NFX1: variants seen among roughly 807,000 people sequenced by gnomAD.
NFX1 encodes the protein nuclear transcription factor, X-box binding 1.
A neutral mutation model predicts 137.2 loss-of-function variants in NFX1; 69 were observed. That is an observed-to-expected ratio of 0.50 (90% CI 0.41 to 0.61). NFX1 has a LOEUF of 0.61. NFX1 is among the 20% of genes least tolerant of loss of function. The probability of loss-of-function intolerance (pLI) is 0.00; values close to 1 mark genes in which losing one functional copy is unlikely to be tolerated. For missense variants in NFX1, 1,167 were observed against 1,391.0 expected (o/e 0.84, Z 2.56); for synonymous variants, 495 against 474.1 (o/e 1.04, Z -0.57).
Position 33,307,291 on chromosome 9 carries a change from C to G in NFX1, c.1368C>G (p.Ser456=). 6.2e-7 allele frequency: 1 copy of G among 1,613,400 alleles called. No homozygotes were observed. The highest frequency in any genetic ancestry group is 8.5e-7 in the Non-Finnish European group (1 of 1,179,482). ...AGCCTGGCCAGGACTGCCCACATTCCTGTAACCTGTAAGTTGGAATGCTAA... is the reference window on the plus strand; with the variant it reads ...AGCCTGGCCAGGACTGCCCACATTCGTGTAACCTGTAAGTTGGAATGCTAA... ...KKQPGQDCPH[S]CNLLCHPGPC... is the part of the protein sequence containing the mutation. The change falls in exon 5 of 24, where the codon TCC becomes TCG. Residue 456 remains serine, a synonymous_variant. Coordinates refer to ENST00000379540, the MANE Select transcript of NFX1 (RefSeq NM_002504.6).
intron 12 of NFX1, among the ~76,000 whole-genome samples, chr9:33,339,502 G>T (rs923659671): frequency 1.3e-5 from 2 of 152,092 alleles, no homozygotes; most frequent in African/African-American, 2.4e-5. Flanking sequence ...ATGAGATTTG[G>T]GTGGGGACAC....
At chr9:33,301,195 T>C in intron 2 of NFX1, 68 bp from the exon 3 acceptor site, 1 of 1,389,316 alleles carries the variant, frequency 7.2e-7, no homozygotes, top group Non-Finnish European at 1.0e-6. Context: ...TGATCCTTGG[T>C]TGATTAAAGT....
chr9:33,353,543 G>A (rs1394914554), intron 17 of NFX1, among the ~76,000 whole-genome samples: 2 of 152,090 alleles, frequency 1.3e-5, no homozygotes, highest in Non-Finnish European at 2.9e-5. Context: ...GTTGCTCTAG[G>A]GGATACTGAG....
At chr9:33,315,202 G>GC (rs772904912) in intron 7 of NFX1, among the ~76,000 whole-genome samples, 1 of 148,706 alleles carries the variant, frequency 6.7e-6, no homozygotes. Flanking sequence ...TCCAGCCTGG[G>GC]CAACAAGAGC....
intron 11 of NFX1, among the ~76,000 whole-genome samples, chr9:33,337,951 A>G (rs1304091389): frequency 1.3e-5 from 2 of 151,976 alleles, no homozygotes; most frequent in Non-Finnish European, 2.9e-5. Flanking sequence ...CGGGAGGCTG[A>G]GGCAGGAGAA....
In NFX1 at chr9:33,370,151, C is replaced by T. The variant is rs1824285178; in HGVS notation, c.*173C>T. 7.0e-6 allele frequency: 4 copies of T among 573,830 alleles called. No individual in the cohort carries two copies. 35.5% of individuals were successfully genotyped at this position (573,830 alleles called of 1,614,324 possible). A position where few individuals can be genotyped will look rare whatever the true frequency, so the allele number is the denominator to read the frequency against. Reference sequence around the variant, plus strand: ...TCAGAAATCCCTTGTCTATTCCTGTCTGTATAAAGTGTTTCATTATGACCA... The same window carrying T: ...TCAGAAATCCCTTGTCTATTCCTGTTTGTATAAAGTGTTTCATTATGACCA... On this transcript the variant is annotated 3_prime_UTR_variant, in exon 24 of 24. Coordinates refer to ENST00000379540, the MANE Select transcript of NFX1 (RefSeq NM_002504.6).
chr9:33,294,556 T>A lies in NFX1; in HGVS notation c.162T>A (p.Cys54Ter). Residue 54 changes from cysteine to a stop codon, truncating the protein, a stop_gained, in exon 2 of 24, where the codon TGT (cysteine) becomes TGA (stop). Transcript: ENST00000379540. LOFTEE classifies it high-confidence loss of function. ...GAAATTACAGTTCACCACCTCCCTG[T>A]CACCTTTCCAGGCAGGTCCCTTATG... is the stretch of plus-strand genomic sequence containing the variant. ...GRRNYSSPPP[C>*]HLSRQVPYDE... 1 of 1,614,204 alleles carries A rather than the reference T, an allele frequency of 6.2e-7. No homozygotes were observed. The highest frequency in any genetic ancestry group is 8.5e-7 in the Non-Finnish European group (1 of 1,180,034).
chr9:33,363,979 T>C (rs200740095), intron 19 of NFX1, 31 bp from the exon 20 acceptor site: 2 of 1,489,028 alleles, frequency 1.3e-6, no homozygotes, highest in East Asian at 4.8e-5. Flanking sequence ...CTCCCACTCC[T>C]TTTATTTGCA....
intron 15 of NFX1, among the ~76,000 whole-genome samples, chr9:33,349,193 G>A (rs949403761): frequency 2.6e-5 from 4 of 152,188 alleles, no homozygotes; most frequent in African/African-American, 9.7e-5. Flanking sequence ...GGCTAGGTTT[G>A]GGTGCTTTGG....
intron 15 of NFX1, among the ~76,000 whole-genome samples, chr9:33,351,189 G>A (rs1487919734): frequency 1.3e-5 from 2 of 151,854 alleles, no homozygotes; most frequent in African/African-American, 4.8e-5. Context: ...CAGATGCAGT[G>A]GTTCACACCT....
intron 16 of NFX1, 81 bp downstream of exon 16, chr9:33,351,871 C>A: frequency 8.4e-7 from 1 of 1,197,288 alleles, no homozygotes; most frequent in South Asian, 1.6e-5. Context: ...ACAGTGGCCC[C>A]TGGGCATGCA....
chr9:33,361,441 G>T (rs184515498), intron 19 of NFX1, among the ~76,000 whole-genome samples: 81 of 152,116 alleles, frequency 5.3e-4, no homozygotes, highest in African/African-American at 1.9e-3. Flanking sequence ...TTTTGGGGGG[G>T]TGAGACAATT....
intron 9 of NFX1, among the ~76,000 whole-genome samples, chr9:33,321,923 G>C (rs1822399746): frequency 1.3e-5 from 2 of 151,628 alleles, no homozygotes; most frequent in African/African-American, 4.8e-5. Context: ...CTGGAGGCTG[G>C]GTGCAGTGGT....
chr9:33,344,580 G>A (rs1187050852), intron 14 of NFX1, among the ~76,000 whole-genome samples: 1 of 152,064 alleles, frequency 6.6e-6, no homozygotes, highest in Admixed American at 6.6e-5. Flanking sequence ...GAAAATAGAG[G>A]CCAGGGCCAG....
At chr9:33,333,034 C>T (rs752256678) in intron 11 of NFX1, among the ~76,000 whole-genome samples, 6 of 152,046 alleles carry the variant, frequency 3.9e-5, no homozygotes, top group South Asian at 2.1e-4. Context: ...TTGGTAGAGA[C>T]GGGGTTTCAC....
chr9:33,319,346 GT>G (rs1162128246), intron 9 of NFX1, among the ~76,000 whole-genome samples: 1 of 152,022 alleles, frequency 6.6e-6, no homozygotes, highest in Non-Finnish European at 1.5e-5. Context: ...GTATTTTATT[GT>G]TAACTCTGGA....
Position 33,301,300 on chromosome 9 carries a change from G to C in NFX1, c.1071G>C (p.Glu357Asp). Reference sequence around the variant, plus strand: ...AACAACTAACAACAGAAAAATACGAGTGCATGGTGTGCTGTGAATTGGTTC... The same window carrying C: ...AACAACTAACAACAGAAAAATACGACTGCATGGTGTGCTGTGAATTGGTTC... ...LIEQLTTEKY[E>D]CMVCCELVRV... Residue 357 changes from glutamate (E) to aspartate (D), a missense_variant, in exon 3 of 24, where the codon GAG (glutamate) becomes GAC (aspartate). This residue lies in a region of NFX1 where 488 missense variants were observed against 691.5 expected (regional missense o/e 0.71). Transcript: ENST00000379540. The C allele has an allele frequency of 6.2e-7, 1 of 1,614,144 alleles. No individual in the cohort carries two copies. The highest frequency in any genetic ancestry group is 2.2e-5 in the East Asian group (1 of 44,890).
chr9:33,295,963 C>T (rs989098370), intron 2 of NFX1, among the ~76,000 whole-genome samples: 2 of 152,178 alleles, frequency 1.3e-5, no homozygotes, highest in Non-Finnish European at 2.9e-5. Context: ...AGAGGAGTCT[C>T]ACTGTTGCCC....
At chr9:33,330,560 A>G (rs1822768164) in intron 10 of NFX1, among the ~76,000 whole-genome samples, 1 of 152,210 alleles carries the variant, frequency 6.6e-6, no homozygotes, top group African/African-American at 2.4e-5. Flanking sequence ...GCAATCATAA[A>G]TTTAGTAATG....
Sources: gnomAD v4.1 joint callset for allele counts (sites outside exome capture counted in the v4.1 genomes callset) on GRCh38, gnomAD v4.1.1 for gene constraint, gnomAD v4.1.1 regional missense constraint, MANE v1.5 for transcripts, NCBI Gene and HGNC (gene_info 2026-07-23, HGNC 2026-07-21) for gene names.